WDR37: variants seen among roughly 807,000 people sequenced by gnomAD.
The protein encoded by WDR37 is WD repeat-containing protein 37.
WDR37 carries 19 observed loss-of-function variants against 62.9 expected under a neutral mutation model. That is an observed-to-expected ratio of 0.30 (90% CI 0.21 to 0.44). WDR37 has a LOEUF of 0.44. Among genes scored for constraint, WDR37 ranks in the 20% least tolerant of loss-of-function variants. The probability of loss-of-function intolerance (pLI) is 1.00; values close to 1 mark genes in which losing one functional copy is unlikely to be tolerated. For missense variants in WDR37, 474 were observed against 657.6 expected, an observed-to-expected ratio of 0.72 and a Z score of 3.05; for synonymous variants, 250 against 260.9, an observed-to-expected ratio of 0.96 and a Z score of 0.40.
At chr10:1,126,885 C>T (rs898754000) in intron 13 of WDR37, among the ~76,000 whole-genome samples, 1 of 152,220 alleles carries the variant, frequency 6.6e-6, no homozygotes, top group Non-Finnish European at 1.5e-5. Flanking sequence ...AGTTTTTACT[C>T]CTCGATACAC....
chr10:1,124,871 C>G, intron 12 of WDR37, 39 bp from the exon 13 acceptor site: 1 of 1,608,386 alleles, frequency 6.2e-7, no homozygotes, highest in Non-Finnish European at 8.5e-7. Flanking sequence ...TACAGTGTCA[C>G]TGTTTCATGC....
At chr10:1,085,370 C>T (rs1188661294) in intron 6 of WDR37, among the ~76,000 whole-genome samples, 2 of 152,196 alleles carry the variant, frequency 1.3e-5, no homozygotes, top group African/African-American at 4.8e-5. Context: ...TAGTTTGGTA[C>T]TCACTGAAAG....
At chr10:1,108,785 T>C (rs961623296) in intron 11 of WDR37, among the ~76,000 whole-genome samples, 1 of 137,536 alleles carries the variant, frequency 7.3e-6, no homozygotes, top group Admixed American at 7.8e-5. Flanking sequence ...GCCACCATCC[T>C]GGCACAGCTC....
chr10:1,059,410 A>G (rs982448448), intron 1 of WDR37, among the ~76,000 whole-genome samples: 4 of 152,094 alleles, frequency 2.6e-5, no homozygotes, highest in African/African-American at 9.7e-5. Flanking sequence ...TGCTGTTTCA[A>G]GCTACTTTGG....
chr10:1,085,408 A>C (rs1396934065), intron 6 of WDR37, among the ~76,000 whole-genome samples: 50 of 152,358 alleles, frequency 3.3e-4, no homozygotes, highest in South Asian at 4.1e-4. Flanking sequence ...CGTAGCCAGC[A>C]GTGGAGGCTG....
intron 7 of WDR37, among the ~76,000 whole-genome samples, chr10:1,087,492 C>G (rs1027155017): frequency 1.3e-5 from 2 of 152,228 alleles, no homozygotes; most frequent in African/African-American, 4.8e-5. Flanking sequence ...GATCCCTGGG[C>G]TACAGAATGG....
intron 11 of WDR37, among the ~76,000 whole-genome samples, chr10:1,122,170 A>C (rs1281176048): frequency 1.3e-5 from 2 of 152,050 alleles, no homozygotes; most frequent in African/African-American, 4.8e-5. Flanking sequence ...AGTTCCAAGC[A>C]ATTTTGATGG....
chr10:1,109,612 G>A (rs897350870), intron 11 of WDR37, among the ~76,000 whole-genome samples: 1 of 152,228 alleles, frequency 6.6e-6, no homozygotes, highest in Non-Finnish European at 1.5e-5. Flanking sequence ...TTGGGAGGCT[G>A]AGGCAGGAGA....
At chr10:1,065,728 G>A (rs1409706220) in intron 1 of WDR37, among the ~76,000 whole-genome samples, 4 of 152,210 alleles carry the variant, frequency 2.6e-5, no homozygotes, top group Admixed American at 6.5e-5. Flanking sequence ...TGGCATCAAA[G>A]TTAATGGTGA....
intron 9 of WDR37, among the ~76,000 whole-genome samples, chr10:1,102,373 G>T (rs1834852467): frequency 6.6e-6 from 1 of 151,980 alleles, no homozygotes; most frequent in Admixed American, 6.5e-5. Context: ...ACGTGCCTGT[G>T]TTAGGCCATT....
At chr10:1,115,221 T>C (rs1835353341) in intron 11 of WDR37, among the ~76,000 whole-genome samples, 1 of 152,220 alleles carries the variant, frequency 6.6e-6, no homozygotes, top group African/African-American at 2.4e-5. Context: ...ATGCAATATT[T>C]GAGGATGCAA....
At chr10:1,120,468 G>C (rs1835542638) in intron 11 of WDR37, among the ~76,000 whole-genome samples, 1 of 152,230 alleles carries the variant, frequency 6.6e-6, no homozygotes, top group Non-Finnish European at 1.5e-5. Context: ...GGCGACGCAG[G>C]TGTTGTACTT....
chr10:1,093,389 A>G (rs1157676184), intron 7 of WDR37, 63 bp from the exon 8 acceptor site: 23 of 1,328,426 alleles, frequency 1.7e-5, no homozygotes, highest in East Asian at 2.3e-5. Context: ...GCTATAGCTA[A>G]TAAATGTTGA....
chr10:1,068,589 C>T (rs1469613604), intron 1 of WDR37, among the ~76,000 whole-genome samples: 1 of 151,870 alleles, frequency 6.6e-6, no homozygotes, highest in Non-Finnish European at 1.5e-5. Flanking sequence ...AATGACAATA[C>T]CAAATGCTGG....
At chr10:1,127,296 G>A (rs1835819865) in intron 13 of WDR37, among the ~76,000 whole-genome samples, 1 of 152,208 alleles carries the variant, frequency 6.6e-6, no homozygotes, top group Non-Finnish European at 1.5e-5. Flanking sequence ...CTTTGTTGAT[G>A]TTGTAGGATT....
At chr10:1,100,334 G>A (rs951276526) in intron 9 of WDR37, among the ~76,000 whole-genome samples, 4 of 152,206 alleles carry the variant, frequency 2.6e-5, no homozygotes, top group African/African-American at 4.8e-5. Flanking sequence ...GGAGGAGGCA[G>A]TGCAGCCTGT....
chr10:1,071,517 G>C (rs538727730), intron 1 of WDR37, among the ~76,000 whole-genome samples: 2 of 152,290 alleles, frequency 1.3e-5, no homozygotes, highest in South Asian at 4.2e-4. Flanking sequence ...ATTTAAATTA[G>C]AGATTTGAAT....
intron 2 of WDR37, chr10:1,074,384 G>A: frequency 7.7e-7 from 1 of 1,291,520 alleles, no homozygotes; most frequent in Non-Finnish European, 1.0e-6. Flanking sequence ...TAGCTCAGAG[G>A]TCTCCAAGCC....
intron 1 of WDR37, among the ~76,000 whole-genome samples, chr10:1,063,280 C>T (rs569367775): frequency 3.0e-4 from 46 of 152,294 alleles, no homozygotes; most frequent in African/African-American, 1.1e-3. Flanking sequence ...AAAGCCTGCT[C>T]TCTGTGTCTG....
Sources: gnomAD v4.1 joint callset for allele counts (sites outside exome capture counted in the v4.1 genomes callset) on GRCh38, gnomAD v4.1.1 for gene constraint, MANE v1.5 for transcripts, NCBI Gene and HGNC (gene_info 2026-07-23, HGNC 2026-07-21) for gene names.